LRFN5: variants seen among roughly 807,000 people sequenced by gnomAD.
LRFN5 encodes the protein leucine rich repeat and fibronectin type III domain containing 5, also known as leucine-rich repeat and fibronectin type-III domain-containing protein 5.
In LRFN5, 24 loss-of-function variants were observed where a neutral mutation model predicts 45.6. That is an observed-to-expected ratio of 0.53 (90% CI 0.38 to 0.74). LRFN5 has a LOEUF of 0.74. Ranked by LOEUF, LRFN5 falls within the 30% of genes least tolerant of loss-of-function variation. The probability of loss-of-function intolerance (pLI) is 0.00; values close to 1 mark genes in which losing one functional copy is unlikely to be tolerated. For missense variants in LRFN5, 776 were observed against 861.5 expected (o/e 0.90, Z 1.24); for synonymous variants, 340 against 313.8 (o/e 1.08, Z -0.88).
chr14:41,838,152 CTA>C (rs1212658096), intron 2 of LRFN5, among the ~76,000 whole-genome samples: 8 of 152,248 alleles, frequency 5.3e-5, no homozygotes, highest in Admixed American at 5.2e-4. Flanking sequence ...CGGATATGCA[CTA>C]TGTTATTCTA....
chr14:41,734,068 C>A (rs1464317601), intron 1 of LRFN5, among the ~76,000 whole-genome samples: 1 of 139,038 alleles, frequency 7.2e-6, no homozygotes, highest in Non-Finnish European at 1.5e-5. Context: ...TCTTATTGCC[C>A]AGGCTGGGGT....
At chr14:41,705,828 T>C (rs1286146021) in intron 1 of LRFN5, among the ~76,000 whole-genome samples, 7 of 145,026 alleles carry the variant, frequency 4.8e-5, no homozygotes, top group African/African-American at 1.7e-4. Context: ...CAAACGTGTT[T>C]CATATCCCTC....
chr14:41,857,890 A>T (rs72670408), intron 2 of LRFN5, among the ~76,000 whole-genome samples: 1 of 151,866 alleles, frequency 6.6e-6, no homozygotes, highest in Non-Finnish European at 1.5e-5. Flanking sequence ...GAAAAGAGAT[A>T]GTTCCATTGG....
At chr14:41,774,927 A>G (rs1331522934) in intron 2 of LRFN5, among the ~76,000 whole-genome samples, 2 of 152,184 alleles carry the variant, frequency 1.3e-5, no homozygotes, top group East Asian at 1.9e-4. Flanking sequence ...GCAGGGGGGT[A>G]GCTTGATCTT....
At chr14:41,874,583 A>G (rs191877988) in intron 2 of LRFN5, among the ~76,000 whole-genome samples, 2 of 152,210 alleles carry the variant, frequency 1.3e-5, no homozygotes, top group African/African-American at 4.8e-5. Context: ...TCTTCCTCAT[A>G]ATGCACTTTA....
chr14:41,757,544 G>T (rs1885459260), intron 1 of LRFN5, among the ~76,000 whole-genome samples: 1 of 152,194 alleles, frequency 6.6e-6, no homozygotes, highest in South Asian at 2.1e-4. Flanking sequence ...GTGGGCGTAG[G>T]ACCCTCCGAG....
intron 2 of LRFN5, among the ~76,000 whole-genome samples, chr14:41,840,866 G>C (rs1429203354): frequency 6.6e-6 from 1 of 151,834 alleles, no homozygotes; most frequent in Non-Finnish European, 1.5e-5. Flanking sequence ...ATTATTTTTG[G>C]ATTCAACTAT....
intron 3 of LRFN5, among the ~76,000 whole-genome samples, chr14:41,890,469 A>G (rs1211774241): frequency 6.6e-6 from 1 of 152,052 alleles, no homozygotes; most frequent in Non-Finnish European, 1.5e-5. Flanking sequence ...GCACTTTGGG[A>G]GGCAGAGGCG....
intron 2 of LRFN5, among the ~76,000 whole-genome samples, chr14:41,819,166 A>G (rs1888026458): frequency 6.6e-6 from 1 of 152,192 alleles, no homozygotes; most frequent in South Asian, 2.1e-4. Flanking sequence ...ACTTTGCTAT[A>G]GTAAATAGTG....
intron 1 of LRFN5, among the ~76,000 whole-genome samples, chr14:41,677,046 G>A (rs1022746828): frequency 6.6e-6 from 1 of 152,084 alleles, no homozygotes; most frequent in African/African-American, 2.4e-5. Flanking sequence ...TTAAACATAA[G>A]TTTTGACCAG....
intron 1 of LRFN5, among the ~76,000 whole-genome samples, chr14:41,638,380 C>A (rs1027443235): frequency 6.6e-6 from 1 of 152,082 alleles, no homozygotes; most frequent in Non-Finnish European, 1.5e-5. Context: ...TAATTCTATA[C>A]TGTCAGAGGG....
chr14:41,621,566 G>A (rs753836018), intron 1 of LRFN5, among the ~76,000 whole-genome samples: 1 of 152,088 alleles, frequency 6.6e-6, no homozygotes, highest in African/African-American at 2.4e-5. Flanking sequence ...TGACGGTCCC[G>A]AGCTTGTTGG....
intron 2 of LRFN5, among the ~76,000 whole-genome samples, chr14:41,778,022 G>A (rs1886354312): frequency 1.5e-5 from 2 of 129,880 alleles, no homozygotes; most frequent in South Asian, 2.6e-4. Flanking sequence ...GGGGGGGGGG[G>A]ATTGAGAGGG....
intron 1 of LRFN5, among the ~76,000 whole-genome samples, chr14:41,699,206 G>T (rs1233059007): frequency 1.3e-5 from 2 of 152,002 alleles, no homozygotes; most frequent in Admixed American, 1.3e-4. Context: ...TACCTTGTAT[G>T]TCTCTGGGGT....
At chr14:41,758,268 A>C (rs1383560758) in intron 1 of LRFN5, among the ~76,000 whole-genome samples, 1 of 152,200 alleles carries the variant, frequency 6.6e-6, no homozygotes, top group African/African-American at 2.4e-5. Context: ...CAATATGACT[A>C]TTAAACTTGT....
intron 1 of LRFN5, among the ~76,000 whole-genome samples, chr14:41,760,090 A>G (rs765200812): frequency 1.3e-5 from 2 of 152,164 alleles, no homozygotes; most frequent in African/African-American, 4.8e-5. Flanking sequence ...CCAATTTTAT[A>G]TGTATTTGTA....
intron 2 of LRFN5, among the ~76,000 whole-genome samples, chr14:41,796,284 A>G (rs1887128115): frequency 6.6e-6 from 1 of 151,996 alleles, no homozygotes; most frequent in African/African-American, 2.4e-5. Context: ...GAAAATTAGC[A>G]GGAAATATAT....
At chr14:41,764,467 A>G (rs956727449) in intron 1 of LRFN5, among the ~76,000 whole-genome samples, 20 of 152,280 alleles carry the variant, frequency 1.3e-4, no homozygotes, top group African/African-American at 4.6e-4. Context: ...GTGACCATAT[A>G]GACAATAAAT....
At chr14:41,676,277 G>T (rs1881625077) in intron 1 of LRFN5, among the ~76,000 whole-genome samples, 1 of 152,192 alleles carries the variant, frequency 6.6e-6, no homozygotes, top group African/African-American at 2.4e-5. Context: ...TCCCCTTGTG[G>T]TGCTCACTGC....
Sources: allele counts gnomAD v4.1 joint callset (sites outside exome capture counted in the v4.1 genomes callset), GRCh38; gene constraint gnomAD v4.1.1; transcripts MANE v1.5; gene names NCBI Gene and HGNC (gene_info 2026-07-23, HGNC 2026-07-21).